Variants in STK32B observed in about 807,000 individuals in gnomAD.
The protein encoded by STK32B is serine/threonine kinase 32B.
In STK32B, 43 loss-of-function variants were observed where a neutral mutation model predicts 52.6. The observed-to-expected ratio is 0.82, with a 90% CI of 0.64 to 1.05. The LOEUF is 1.05. Ranked by LOEUF, STK32B falls within the 50% of genes least tolerant of loss-of-function variation. STK32B has a pLI of 0.00. For missense variants in STK32B, 621 were observed against 534.6 expected (o/e 1.16, Z -1.59); for synonymous variants, 238 against 204.3 (o/e 1.17, Z -1.41).
rs550285945 is a variant in STK32B at position 5,498,984 on chromosome 4, C to T, written c.1146C>T (p.Asp382=). ...RQQGQGSQLL[D]TDSRGGGQAQ... ...AGGGACAGGGCAGCCAGCTCTTGGACACCGACAGCCGAGGGGGAGGCCAGG... is the reference window on the plus strand; with the variant it reads ...AGGGACAGGGCAGCCAGCTCTTGGATACCGACAGCCGAGGGGGAGGCCAGG... Residue 382 remains aspartate (D), a synonymous_variant, in exon 12 of 12, where the codon GAC becomes GAT. Coordinates refer to ENST00000282908, the MANE Select transcript of STK32B (RefSeq NM_018401.3). 1 of 1,613,848 alleles carries T rather than the reference C, an allele frequency of 6.2e-7. No homozygotes were observed. Among genetic ancestry groups the T allele is most frequent in the South Asian group, 1.1e-5 (1 of 91,020 alleles).
chr4:5,377,074 C>T (rs555806773), intron 4 of STK32B, among the ~76,000 whole-genome samples: 8 of 152,306 alleles, frequency 5.3e-5, no homozygotes, highest in African/African-American at 1.9e-4. Flanking sequence ...TTCCTGGCAG[C>T]TCTCTGCACT....
At chr4:5,259,761 A>G (rs1726576160) in intron 3 of STK32B, among the ~76,000 whole-genome samples, 2 of 152,158 alleles carry the variant, frequency 1.3e-5, no homozygotes, top group African/African-American at 4.8e-5. Flanking sequence ...TCCTTTAACA[A>G]GATGCACTCT....
chr4:5,391,960 G>C (rs1374446503), intron 4 of STK32B, among the ~76,000 whole-genome samples: 1 of 152,118 alleles, frequency 6.6e-6, no homozygotes, highest in Non-Finnish European at 1.5e-5. Flanking sequence ...ATCAAATCTG[G>C]AGTCTCGCAC....
intron 3 of STK32B, among the ~76,000 whole-genome samples, chr4:5,217,580 A>G (rs1371553091): frequency 6.6e-6 from 1 of 152,214 alleles, no homozygotes; most frequent in African/African-American, 2.4e-5. Context: ...TGGCCTTTGT[A>G]TTTATGGGGA....
At chr4:5,127,268 T>A (rs951771761) in intron 1 of STK32B, 4 of 420,392 alleles carry the variant, frequency 9.5e-6, no homozygotes, top group Non-Finnish European at 1.9e-5. Flanking sequence ...ATTAACCACA[T>A]TAAGTACTTA....
the STK32B span, among the ~76,000 whole-genome samples, chr4:5,030,699 AG>A: frequency 6.6e-6 from 1 of 152,246 alleles, no homozygotes; most frequent in Admixed American, 6.5e-5. Flanking sequence ...AGTGGAGCCC[AG>A]GTTCAAACCT....
chr4:5,366,513 A>G (rs903837479), intron 4 of STK32B, among the ~76,000 whole-genome samples: 7 of 152,176 alleles, frequency 4.6e-5, no homozygotes, highest in African/African-American at 1.7e-4. Context: ...ACAAGATAAC[A>G]CAGAAGATTC....
intron 1 of STK32B, among the ~76,000 whole-genome samples, chr4:5,134,482 A>C (rs541565234): frequency 6.6e-6 from 1 of 152,274 alleles, no homozygotes; most frequent in East Asian, 1.9e-4. Context: ...CCAGCACCTT[A>C]ATTTTGGACT....
chr4:5,280,357 C>G (rs1728113439), intron 3 of STK32B, among the ~76,000 whole-genome samples: 1 of 152,150 alleles, frequency 6.6e-6, no homozygotes, highest in Non-Finnish European at 1.5e-5. Context: ...CTGGACTTCA[C>G]TGTCCATGTC....
rs115996608 is a variant in STK32B at position 5,367,364 on chromosome 4, C to T, written c.435-30843C>T. ...AACTGGAGCAAAAGGGTGAACGTGA[C>T]GGGGATGGTGGGTGGACTCTGCATC... On this transcript the variant is annotated intron_variant, in intron 4 of 11. Coordinates refer to ENST00000282908, the MANE Select transcript of STK32B (RefSeq NM_018401.3). 4.2e-3 allele frequency among the ~76,000 whole-genome samples: 632 copies of T among 152,224 alleles called. 5 individuals carry two copies. Among genetic ancestry groups the T allele is most frequent in the African/African-American group, 0.014 (567 of 41,526 alleles).
intron 3 of STK32B, among the ~76,000 whole-genome samples, chr4:5,252,650 T>A (rs912335445): frequency 7.9e-5 from 12 of 152,176 alleles, no homozygotes; most frequent in African/African-American, 2.9e-4. Flanking sequence ...TTATTCACTT[T>A]TAGGAGAATG....
chr4:5,380,492 GCA>G lies in STK32B; in HGVS notation c.435-17713_435-17712del, dbSNP rs1735872794. Among the ~76,000 whole-genome samples, 1 of 152,164 alleles carries G rather than the reference GCA, an allele frequency of 6.6e-6. No homozygotes were observed. Among genetic ancestry groups the G allele is most frequent in the Non-Finnish European group, 1.5e-5 (1 of 68,030 alleles). Reference sequence around the variant, plus strand: ...TTCACAGGACAAGAATCCTGTCCAAGCACCACACTAATGGGACCTTGAGCCAG... The same window carrying G: ...TTCACAGGACAAGAATCCTGTCCAAGCCACACTAATGGGACCTTGAGCCAG... On this transcript the variant is annotated intron_variant, in intron 4 of 11. Coordinates refer to ENST00000282908, the MANE Select transcript of STK32B (RefSeq NM_018401.3). The surrounding 1 kb of genome is among the most constrained non-coding windows in gnomAD (Gnocchi z 4.3).
At chr4:5,409,727 C>T (rs141558802) in intron 5 of STK32B, among the ~76,000 whole-genome samples, 19 of 152,150 alleles carry the variant, frequency 1.2e-4, no homozygotes, top group African/African-American at 4.6e-4. Flanking sequence ...CAGTAAAGCC[C>T]AGAAATGTTG....
intron 3 of STK32B, among the ~76,000 whole-genome samples, chr4:5,317,259 A>ATATT (rs1731090638): frequency 4.8e-4 from 22 of 45,558 alleles, no homozygotes; most frequent in African/African-American, 2.8e-3. Context: ...TATAACATAT[A>ATATT]ACATATATAT....
At chr4:5,144,798 ATCC>A (rs2108838325) in intron 2 of STK32B, among the ~76,000 whole-genome samples, 1 of 150,110 alleles carries the variant, frequency 6.7e-6, no homozygotes, top group African/African-American at 2.5e-5. Context: ...CCATCCATCC[ATCC>A]ATCCATCCAT....
rs975618890 is a variant in STK32B at position 5,370,094 on chromosome 4, C to T, written c.435-28113C>T. ...TTTCACCATTTTGGTCAGGCTGTCT[C>T]GAACTCCTGACCTCAGGTGATCCGC... is the stretch of plus-strand genomic sequence containing the variant. On this transcript the variant is annotated intron_variant, in intron 4 of 11. Transcript: ENST00000282908. Among the ~76,000 whole-genome samples, 9 of 152,180 alleles carry T rather than the reference C, an allele frequency of 5.9e-5. No homozygotes were observed. The East Asian group carries it at 1.7e-3, about 30-fold the overall frequency.
At chr4:5,239,891 A>G (rs150445583) in intron 3 of STK32B, among the ~76,000 whole-genome samples, 3 of 151,900 alleles carry the variant, frequency 2.0e-5, no homozygotes, top group African/African-American at 7.2e-5. Context: ...CATCATGTAC[A>G]CTCTGCACCT....
chr4:5,396,370 A>G lies in STK32B; in HGVS notation c.435-1837A>G, dbSNP rs1208965085. Among the ~76,000 whole-genome samples the G allele has an allele frequency of 1.3e-5, 2 of 152,172 alleles. No homozygotes were observed. The highest frequency in any genetic ancestry group is 6.5e-5 in the Admixed American group (1 of 15,286). ...CCCCCTACTTTCCTCCTATAAAGAC[A>G]TGAGTCTTTAGAGTCCTCCCTAAAT... On this transcript the variant is annotated intron_variant, in intron 4 of 11. Transcript: ENST00000282908. This position sits in a 1 kb window ranked among gnomAD's most constrained non-coding sequence, Gnocchi z 4.7.
intron 11 of STK32B, among the ~76,000 whole-genome samples, chr4:5,477,371 T>C (rs2109189409): frequency 6.6e-6 from 1 of 152,218 alleles, no homozygotes; most frequent in Middle Eastern, 3.4e-3. Flanking sequence ...TTGAATTGAA[T>C]TGTGTCCTCT....
Sources: gnomAD v4.1 joint callset for allele counts (sites outside exome capture counted in the v4.1 genomes callset) on GRCh38, gnomAD v4.1.1 for gene constraint, Gnocchi (gnomAD v3.1) non-coding constraint, MANE v1.5 for transcripts, NCBI Gene and HGNC (gene_info 2026-07-23, HGNC 2026-07-21) for gene names.